Variants in FBXL17 observed in about 807,000 individuals in gnomAD.
FBXL17 encodes F-box and leucine rich repeat protein 17, also known as F-box/LRR-repeat protein 17.
In FBXL17, 22 loss-of-function variants were observed where a neutral mutation model predicts 66.2. That is an observed-to-expected ratio of 0.33 (90% CI 0.24 to 0.47). The LOEUF (loss-of-function observed/expected upper bound fraction) is 0.47, where lower values mean the gene tolerates loss of function less well. Ranked by LOEUF, FBXL17 falls within the 20% of genes least tolerant of loss-of-function variation. The probability of loss-of-function intolerance (pLI) is 1.00; values close to 1 mark genes in which losing one functional copy is unlikely to be tolerated. For synonymous variants in FBXL17, 474 were observed against 400.5 expected (o/e 1.18, Z -2.19); for missense variants, 878 against 948.2 (o/e 0.93, Z 0.97).
At position 108,043,117 on chromosome 5, in the gene FBXL17, C is replaced by G. The variant is rs537573835; in HGVS notation, c.1746-22116G>C. On this transcript the variant is annotated intron_variant, in intron 6 of 8. Transcript: ENST00000542267. The stretch of plus-strand genomic sequence containing the variant: ...TTCAAAGTACTTTCTATATGCGATA[C>G]GTTAGTCATTTGTCAGATACATGGT... Among the ~76,000 whole-genome samples, 36 of 152,252 alleles carry G rather than the reference C, an allele frequency of 2.4e-4. No homozygotes were observed. The South Asian group carries it at 7.3e-3, about 31-fold the overall frequency.
chr5:108,369,984 G>T (rs963705578), intron 1 of FBXL17, among the ~76,000 whole-genome samples: 2 of 152,126 alleles, frequency 1.3e-5, no homozygotes, highest in Non-Finnish European at 2.9e-5. Flanking sequence ...AGGGCACAAG[G>T]TAGGAACCAG....
At chr5:108,154,418 C>T (rs1751889226) in intron 6 of FBXL17, among the ~76,000 whole-genome samples, 1 of 150,850 alleles carries the variant, frequency 6.6e-6, no homozygotes, top group South Asian at 2.1e-4. Context: ...TGGAGAAACC[C>T]CGTCTCTACT....
At chr5:107,888,722 A>G (rs1223584612) in intron 7 of FBXL17, among the ~76,000 whole-genome samples, 2 of 151,898 alleles carry the variant, frequency 1.3e-5, no homozygotes, top group African/African-American at 4.8e-5. Flanking sequence ...AATGCTGTAT[A>G]ATGTTTCATT....
At chr5:108,002,182 A>ATTTT (rs765399250) in intron 7 of FBXL17, among the ~76,000 whole-genome samples, 1 of 109,452 alleles carries the variant, frequency 9.1e-6, no homozygotes, top group African/African-American at 4.5e-5. Flanking sequence ...CACCCAGCTA[A>ATTTT]TTTTTTTTTT....
At chr5:107,881,241 A>G (rs1748781062) in intron 7 of FBXL17, 62 bp from the exon 8 acceptor site, 3 of 945,016 alleles carry the variant, frequency 3.2e-6, no homozygotes, top group Admixed American at 2.5e-5. Context: ...CTATCTTATT[A>G]TGACTATTCA....
intron 7 of FBXL17, among the ~76,000 whole-genome samples, chr5:107,980,662 A>ATTTTTTTTTTTTTTTTTTT (rs1428679219): frequency 1.5e-5 from 1 of 65,840 alleles, no homozygotes; most frequent in Non-Finnish European, 2.5e-5. Context: ...ATATATATAT[A>ATTTTTTTTTTTTTTTTTTT]TATTTTTTTT....
intron 7 of FBXL17, among the ~76,000 whole-genome samples, chr5:108,011,338 T>G (rs1350004345): frequency 6.6e-6 from 1 of 152,224 alleles, no homozygotes. Context: ...AAGAAAGGGA[T>G]GCAGCTCTTG....
At chr5:107,971,136 AC>A (rs1752356513) in intron 7 of FBXL17, among the ~76,000 whole-genome samples, 1 of 152,204 alleles carries the variant, frequency 6.6e-6, no homozygotes, top group African/African-American at 2.4e-5. Flanking sequence ...ACATTTGCTT[AC>A]CGTTTCTTTC....
intron 6 of FBXL17, among the ~76,000 whole-genome samples, chr5:108,078,878 T>A (rs1234332838): frequency 6.6e-6 from 1 of 152,218 alleles, no homozygotes; most frequent in Non-Finnish European, 1.5e-5. Flanking sequence ...GTGTCCAGAT[T>A]AATAAACTGT....
chr5:108,070,481 G>A (rs990563536), intron 6 of FBXL17, among the ~76,000 whole-genome samples: 2 of 152,158 alleles, frequency 1.3e-5, no homozygotes, highest in East Asian at 1.9e-4. Context: ...CCCCAACAGG[G>A]TTTACTTAAT....
intron 5 of FBXL17, among the ~76,000 whole-genome samples, chr5:108,214,911 C>T (rs1754534996): frequency 6.6e-6 from 1 of 152,052 alleles, no homozygotes; most frequent in South Asian, 2.1e-4. Context: ...AAAAGAAACC[C>T]AGTATAAATG....
intron 7 of FBXL17, among the ~76,000 whole-genome samples, chr5:107,884,145 A>G (rs1439866972): frequency 1.3e-5 from 2 of 152,236 alleles, no homozygotes; most frequent in African/African-American, 4.8e-5. Flanking sequence ...GTCTAGCAGA[A>G]GAGACAGATG....
intron 5 of FBXL17, among the ~76,000 whole-genome samples, chr5:108,197,998 C>G (rs1159827537): frequency 3.9e-5 from 6 of 152,088 alleles, no homozygotes; most frequent in African/African-American, 1.4e-4. Context: ...GAGAAACTTT[C>G]GTCTTTTGAG....
Position 108,381,912 on chromosome 5 carries a change from G to C in FBXL17, c.-221C>G. The C allele has an allele frequency of 7.9e-7, 1 of 1,264,728 alleles. No homozygotes were observed. Among genetic ancestry groups the C allele is most frequent in the Non-Finnish European group, 9.9e-7 (1 of 1,005,152 alleles). The allele number at this position is 1,264,728 out of a possible 1,614,324, so 78.3% of individuals were successfully genotyped here. On this transcript the variant is annotated 5_prime_UTR_variant, in exon 1 of 9. Coordinates refer to ENST00000542267, the MANE Select transcript of FBXL17 (RefSeq NM_001163315.3). ...GGGGCTACATGCTTTGCCCAGGGAA[G>C]CCGGGAGAACGATGGGCGCGAGCTT...
intron 7 of FBXL17, among the ~76,000 whole-genome samples, chr5:107,917,239 A>C (rs1191730129): frequency 6.6e-6 from 1 of 152,194 alleles, no homozygotes; most frequent in Non-Finnish European, 1.5e-5. Context: ...TTTCTATTCT[A>C]ATTTCTAAGA....
intron 6 of FBXL17, among the ~76,000 whole-genome samples, chr5:108,099,420 T>A (rs1242120184): frequency 6.6e-6 from 1 of 152,146 alleles, no homozygotes; most frequent in Non-Finnish European, 1.5e-5. Context: ...GGAGACTTCA[T>A]AGGAAAACGA....
At chr5:107,900,650 T>A (rs1377867387) in intron 7 of FBXL17, among the ~76,000 whole-genome samples, 1 of 152,140 alleles carries the variant, frequency 6.6e-6, no homozygotes, top group Non-Finnish European at 1.5e-5. Flanking sequence ...TTTGTGTGCA[T>A]TAAATGCATT....
At chr5:108,345,112 A>G (rs1019875448) in intron 4 of FBXL17, among the ~76,000 whole-genome samples, 5 of 152,104 alleles carry the variant, frequency 3.3e-5, no homozygotes, top group African/African-American at 1.2e-4. Context: ...AGGTGGGCGG[A>G]TCATGAGGTC....
chr5:108,166,370 G>A (rs931834342), intron 6 of FBXL17, among the ~76,000 whole-genome samples: 14 of 152,164 alleles, frequency 9.2e-5, no homozygotes, highest in Non-Finnish European at 4.4e-5. Flanking sequence ...TGCCCTCCTT[G>A]TTCTACTCCT....
Sources: gnomAD v4.1 joint callset for allele counts (sites outside exome capture counted in the v4.1 genomes callset) on GRCh38, gnomAD v4.1.1 for gene constraint, MANE v1.5 for transcripts, NCBI Gene and HGNC (gene_info 2026-07-23, HGNC 2026-07-21) for gene names.